ITGA9: variants seen among roughly 807,000 people sequenced by gnomAD.
ITGA9 encodes integrin alpha-9.
ITGA9 carries 56 observed loss-of-function variants against 127.8 expected under a neutral mutation model. That is an observed-to-expected ratio of 0.44 (90% CI 0.35 to 0.55). ITGA9 has a LOEUF of 0.55. Ranked by LOEUF, ITGA9 falls within the 20% of genes least tolerant of loss-of-function variation. The probability of loss-of-function intolerance (pLI) is 0.00; values close to 1 mark genes in which losing one functional copy is unlikely to be tolerated. For synonymous variants in ITGA9, 508 were observed against 514.5 expected (o/e 0.99, Z 0.17); for missense variants, 1,196 against 1,347.1 (o/e 0.89, Z 1.76).
intron 16 of ITGA9, among the ~76,000 whole-genome samples, chr3:37,635,991 A>G (rs1255484233): frequency 6.6e-6 from 1 of 151,796 alleles, no homozygotes; most frequent in East Asian, 1.9e-4. Context: ...ATAGTATTCC[A>G]TGGTGTATAT....
At chr3:37,702,748 TC>T (rs1700961318) in intron 18 of ITGA9, among the ~76,000 whole-genome samples, 1 of 152,006 alleles carries the variant, frequency 6.6e-6, no homozygotes, top group Admixed American at 6.6e-5. Context: ...AATATCACTC[TC>T]TTGACAATCA....
At chr3:37,792,270 C>G (rs1697120555) in intron 26 of ITGA9, among the ~76,000 whole-genome samples, 1 of 152,236 alleles carries the variant, frequency 6.6e-6, no homozygotes, top group Non-Finnish European at 1.5e-5. Flanking sequence ...AGGCACTGTG[C>G]TAGGCACTGG....
chr3:37,778,617 C>CAA (rs1263847294), intron 24 of ITGA9, among the ~76,000 whole-genome samples: 55 of 125,230 alleles, frequency 4.4e-4, no homozygotes, highest in Middle Eastern at 4.0e-3. Context: ...GACTCTGTCT[C>CAA]AAAAAAAAAA....
At chr3:37,582,481 A>G (rs1419609954) in intron 15 of ITGA9, among the ~76,000 whole-genome samples, 1 of 152,126 alleles carries the variant, frequency 6.6e-6, no homozygotes, top group Non-Finnish European at 1.5e-5. Flanking sequence ...TACTCTTCCT[A>G]CCTCCAACCC....
At chr3:37,521,743 A>G (rs963895987) in intron 11 of ITGA9, among the ~76,000 whole-genome samples, 13 of 152,204 alleles carry the variant, frequency 8.5e-5, no homozygotes, top group African/African-American at 3.1e-4. Flanking sequence ...GGCTGCTGCT[A>G]GAGTTCTTGG....
intron 15 of ITGA9, among the ~76,000 whole-genome samples, chr3:37,607,335 G>T (rs1699978164): frequency 6.6e-6 from 1 of 152,152 alleles, no homozygotes; most frequent in Non-Finnish European, 1.5e-5. Context: ...GTTGTTCATG[G>T]AGGAAAAAGT....
chr3:37,595,348 C>A (rs1316204245), intron 15 of ITGA9, among the ~76,000 whole-genome samples: 1 of 152,180 alleles, frequency 6.6e-6, no homozygotes, highest in Non-Finnish European at 1.5e-5. Context: ...GAAAAGGCCA[C>A]ACAAGGAAGA....
At chr3:37,659,113 T>C (rs912573030) in intron 17 of ITGA9, among the ~76,000 whole-genome samples, 7 of 152,226 alleles carry the variant, frequency 4.6e-5, no homozygotes, top group Non-Finnish European at 1.0e-4. Context: ...CTTAACATTT[T>C]TTCCTTCATT....
rs766573100 is a variant in ITGA9, at chr3:37,779,918, G to T, written c.2684G>T (p.Gly895Val). 5.6e-6 allele frequency: 9 copies of T among 1,613,946 alleles called. No individual in the cohort carries two copies. The highest frequency in any genetic ancestry group is 7.6e-6 in the Non-Finnish European group (9 of 1,179,972). ...GRKVLDCEKPGISCLTAHCNF... is the reference protein window; with the variant it reads ...GRKVLDCEKPVISCLTAHCNF... ...TCTTCTCAGGACTGTGAAAAACCAG[G>T]AATTTCTTGCCTAACAGCACACTGT... is the stretch of plus-strand genomic sequence containing the variant. Residue 895 changes from glycine (G) to valine (V), a missense_variant, in exon 25 of 28, where the codon GGA (glycine) becomes GTA (valine). Coordinates refer to ENST00000264741, the MANE Select transcript of ITGA9 (RefSeq NM_002207.3).
chr3:37,685,943 G>C (rs776154125), intron 18 of ITGA9, among the ~76,000 whole-genome samples: 49 of 152,186 alleles, frequency 3.2e-4, no homozygotes, highest in Non-Finnish European at 6.0e-4. Flanking sequence ...TTAGCTTGGA[G>C]ATTGCATAAT....
intron 15 of ITGA9, among the ~76,000 whole-genome samples, chr3:37,620,502 A>G (rs1057306438): frequency 3.9e-5 from 6 of 152,104 alleles, no homozygotes; most frequent in African/African-American, 1.4e-4. Context: ...AATCTTCACA[A>G]CAAGCATGCA....
chr3:37,457,891 C>T (rs1413516458), intron 1 of ITGA9, among the ~76,000 whole-genome samples: 2 of 152,212 alleles, frequency 1.3e-5, no homozygotes, highest in African/African-American at 2.4e-5. Context: ...CAGTCATTAA[C>T]GGCCCTGAGT....
At chr3:37,792,863 G>A (rs1697127884) in intron 26 of ITGA9, among the ~76,000 whole-genome samples, 1 of 152,162 alleles carries the variant, frequency 6.6e-6, no homozygotes, top group Non-Finnish European at 1.5e-5. Flanking sequence ...CAGTGAAGGT[G>A]CGGTGACCGG....
chr3:37,753,398 A>G lies in ITGA9; in HGVS notation c.2541+2829A>G, dbSNP rs571360721. Among the ~76,000 whole-genome samples the G allele has an allele frequency of 3.9e-5, 6 of 152,358 alleles. No homozygotes were observed. The East Asian group carries it at 9.6e-4, about 24-fold the overall frequency. On this transcript the variant is annotated intron_variant, in intron 23 of 27. Transcript: ENST00000264741. ...AGGCATGCCCAGACCCCAGGATGCT[A>G]CAAAGGTTCAGTGCTTCACAAAGGA...
At chr3:37,813,797 T>G (rs1445964251) in intron 27 of ITGA9, among the ~76,000 whole-genome samples, 1 of 152,216 alleles carries the variant, frequency 6.6e-6, no homozygotes, top group Non-Finnish European at 1.5e-5. Context: ...TGACACTTAT[T>G]ATAAGACATC....
intron 18 of ITGA9, among the ~76,000 whole-genome samples, chr3:37,696,697 T>C (rs979436838): frequency 6.6e-6 from 1 of 152,256 alleles, no homozygotes; most frequent in Non-Finnish European, 1.5e-5. Flanking sequence ...AGCATAGTTA[T>C]TATTGTCCCG....
At chr3:37,609,890 T>G (rs1464309649) in intron 15 of ITGA9, among the ~76,000 whole-genome samples, 1 of 152,138 alleles carries the variant, frequency 6.6e-6, no homozygotes, top group Non-Finnish European at 1.5e-5. Flanking sequence ...GACCCTACAT[T>G]TGATGGGAGA....
chr3:37,556,656 G>A (rs1308358453), intron 15 of ITGA9, among the ~76,000 whole-genome samples: 1 of 152,216 alleles, frequency 6.6e-6, no homozygotes, highest in Admixed American at 6.5e-5. Context: ...CAAGCTCCCT[G>A]GTGACGCTGG....
intron 10 of ITGA9, among the ~76,000 whole-genome samples, chr3:37,518,771 CTTTTTTTTTTTT>C (rs543297344): frequency 5.1e-4 from 22 of 43,510 alleles, no homozygotes; most frequent in Non-Finnish European, 7.4e-4. Context: ...TTTCACTGTA[CTTTTTTTTTTTT>C]TTTTTTTTTT....
Sources: gnomAD v4.1 joint callset for allele counts (sites outside exome capture counted in the v4.1 genomes callset) on GRCh38, gnomAD v4.1.1 for gene constraint, MANE v1.5 for transcripts, NCBI Gene and HGNC (gene_info 2026-07-23, HGNC 2026-07-21) for gene names.